Variants in TAFA1 observed in about 807,000 individuals in gnomAD.
TAFA1 encodes the protein TAFA chemokine like family member 1, also known as chemokine-like protein TAFA-1.
TAFA1 carries 4 observed loss-of-function variants against 18.5 expected under a neutral mutation model. That is an observed-to-expected ratio of 0.22 (90% CI 0.11 to 0.49). TAFA1 has a LOEUF of 0.49. Among genes scored for constraint, TAFA1 ranks in the 20% least tolerant of loss-of-function variants. The probability of loss-of-function intolerance (pLI) is 0.98; values close to 1 mark genes in which losing one functional copy is unlikely to be tolerated. For synonymous variants in TAFA1, 56 were observed against 55.2 expected, an observed-to-expected ratio of 1.01 and a Z score of -0.06; for missense variants, 147 against 169.0, an observed-to-expected ratio of 0.87 and a Z score of 0.72.
chr3:68,254,456 T>G (rs899821994), intron 2 of TAFA1, among the ~76,000 whole-genome samples: 2 of 152,094 alleles, frequency 1.3e-5, no homozygotes, highest in African/African-American at 4.8e-5. Context: ...TTTTTAAACC[T>G]GGAAGAAAGA....
chr3:68,396,637 A>G (rs919631799), intron 2 of TAFA1, among the ~76,000 whole-genome samples: 1 of 152,192 alleles, frequency 6.6e-6, no homozygotes, highest in African/African-American at 2.4e-5. Flanking sequence ...GTTACTTTCA[A>G]TTTGGGACTA....
intron 2 of TAFA1, among the ~76,000 whole-genome samples, chr3:68,066,788 C>G (rs1186178006): frequency 1.3e-5 from 2 of 152,066 alleles, no homozygotes; most frequent in Non-Finnish European, 2.9e-5. Flanking sequence ...GCAGGATAAC[C>G]TGGGACTAAG....
At chr3:68,038,918 G>A (rs187535145) in intron 2 of TAFA1, among the ~76,000 whole-genome samples, 1 of 152,134 alleles carries the variant, frequency 6.6e-6, no homozygotes, top group Admixed American at 6.5e-5. Context: ...TGTATGTTCA[G>A]TTCAGTAGCC....
rs545131598 is a variant in TAFA1 at position 68,327,563 on chromosome 3, T to C, written c.119-89717T>C. ...GAAACATCTCTAAGCTTCAATTCTT[T>C]TATCAGTAAAATTGAGCTAACAATA... On this transcript the variant is annotated intron_variant, in intron 2 of 4. Coordinates refer to ENST00000478136, the MANE Select transcript of TAFA1 (RefSeq NM_213609.4). 1.8e-4 allele frequency among the ~76,000 whole-genome samples: 27 copies of C among 152,250 alleles called. No individual in the cohort carries two copies. In the South Asian group the frequency reaches 3.7e-3, roughly 21 times the overall value.
intron 3 of TAFA1, among the ~76,000 whole-genome samples, chr3:68,472,373 G>A (rs573348891): frequency 2.6e-5 from 4 of 152,224 alleles, no homozygotes; most frequent in African/African-American, 9.6e-5. Context: ...GGAACTGTGA[G>A]TCAATTAAGC....
At chr3:68,475,080 C>G (rs9854177) in intron 3 of TAFA1, among the ~76,000 whole-genome samples, 150 of 152,040 alleles carry the variant, frequency 9.9e-4, no homozygotes, top group African/African-American at 3.4e-3. Context: ...TGCTCAGGGT[C>G]AGATGTGAAA....
intron 2 of TAFA1, among the ~76,000 whole-genome samples, chr3:68,400,509 C>A (rs920491077): frequency 6.6e-6 from 1 of 152,114 alleles, no homozygotes; most frequent in Admixed American, 6.5e-5. Flanking sequence ...GATAAGGAAC[C>A]ATCAGCATTT....
intron 3 of TAFA1, among the ~76,000 whole-genome samples, chr3:68,454,485 G>T (rs1331399870): frequency 6.6e-6 from 1 of 152,136 alleles, no homozygotes. Flanking sequence ...TATCCTGTTT[G>T]ATATAGCCCA....
At chr3:68,214,187 A>G (rs937372471) in intron 2 of TAFA1, among the ~76,000 whole-genome samples, 1 of 152,068 alleles carries the variant, frequency 6.6e-6, no homozygotes, top group East Asian at 1.9e-4. Flanking sequence ...AACTCTTGAC[A>G]CTCAACATGG....
At chr3:68,253,576 T>A (rs1173585339) in intron 2 of TAFA1, among the ~76,000 whole-genome samples, 2 of 152,194 alleles carry the variant, frequency 1.3e-5, no homozygotes, top group African/African-American at 4.8e-5. Context: ...CTTACATTAA[T>A]ATTTTCTCTC....
intron 2 of TAFA1, among the ~76,000 whole-genome samples, chr3:68,414,848 C>T (rs886858358): frequency 2.0e-5 from 3 of 152,164 alleles, no homozygotes; most frequent in African/African-American, 4.8e-5. Context: ...ATCCTGAGAG[C>T]TTTCATGTGC....
chr3:68,183,018 C>A (rs2066223392), intron 2 of TAFA1, among the ~76,000 whole-genome samples: 1 of 152,136 alleles, frequency 6.6e-6, no homozygotes, highest in South Asian at 2.1e-4. Flanking sequence ...CCAACCCTCC[C>A]AAATAATTAT....
the TAFA1 span, among the ~76,000 whole-genome samples, chr3:67,994,085 C>A: frequency 1.3e-5 from 2 of 152,070 alleles, no homozygotes; most frequent in African/African-American, 4.8e-5. Context: ...ATTTAACAAT[C>A]AAATTGTATC....
At chr3:68,305,133 CTCTT>C (rs557154638) in intron 2 of TAFA1, among the ~76,000 whole-genome samples, 7 of 151,922 alleles carry the variant, frequency 4.6e-5, no homozygotes, top group Non-Finnish European at 8.8e-5. Context: ...CCTTCCTTGT[CTCTT>C]TCTAGCTTCA....
At chr3:68,262,277 A>C (rs1369482220) in intron 2 of TAFA1, among the ~76,000 whole-genome samples, 1 of 87,964 alleles carries the variant, frequency 1.1e-5, no homozygotes, top group Non-Finnish European at 2.3e-5. Flanking sequence ...TTTTTTTTTA[A>C]ATTTTCAGCT....
chr3:68,516,687 G>A (rs1176713743), intron 3 of TAFA1, among the ~76,000 whole-genome samples: 13 of 152,212 alleles, frequency 8.5e-5, no homozygotes, highest in Admixed American at 5.9e-4. Flanking sequence ...TGTTCAGTGC[G>A]TAGGGGTCAT....
chr3:68,137,030 C>T (rs2065616316), intron 2 of TAFA1, among the ~76,000 whole-genome samples: 1 of 152,140 alleles, frequency 6.6e-6, no homozygotes. Flanking sequence ...AAAGAGAAGA[C>T]TGAAAGCACC....
chr3:68,446,079 T>A (rs1437785375), intron 3 of TAFA1, among the ~76,000 whole-genome samples: 2 of 152,044 alleles, frequency 1.3e-5, no homozygotes, highest in South Asian at 2.1e-4. Flanking sequence ...TTTTTCTTTT[T>A]AATTTTTTGT....
intron 2 of TAFA1, among the ~76,000 whole-genome samples, chr3:68,224,335 A>G (rs1475801814): frequency 6.6e-6 from 1 of 152,064 alleles, no homozygotes; most frequent in Admixed American, 6.5e-5. Flanking sequence ...TTCTTCAAGG[A>G]TAAGGGGTTA....
Sources: gnomAD v4.1 joint callset for allele counts (sites outside exome capture counted in the v4.1 genomes callset) on GRCh38, gnomAD v4.1.1 for gene constraint, MANE v1.5 for transcripts, NCBI Gene and HGNC (gene_info 2026-07-23, HGNC 2026-07-21) for gene names.